The following PCSK5 variants were observed in gnomAD, a reference collection of about 807,000 sequenced individuals.
The protein encoded by PCSK5 is prohormone convertase 5.
Under a neutral mutation model 233.2 loss-of-function variants are expected in PCSK5, and 129 were observed. The observed-to-expected ratio is 0.55, with a 90% CI of 0.48 to 0.64. PCSK5 has a LOEUF of 0.64. Ranked by LOEUF, PCSK5 falls within the 30% of genes least tolerant of loss-of-function variation. PCSK5 has a pLI of 0.00. For missense variants in PCSK5, 2,076 were observed against 2,430.1 expected (o/e 0.85, Z 3.06); for synonymous variants, 825 against 879.2 (o/e 0.94, Z 1.09).
intron 10 of PCSK5, among the ~76,000 whole-genome samples, chr9:76,152,662 G>T (rs1447134652): frequency 6.6e-6 from 1 of 152,212 alleles, no homozygotes; most frequent in East Asian, 1.9e-4. Flanking sequence ...TTTAAAAAAT[G>T]TTAAATAGCT....
chr9:76,159,209 C>T (rs1408703073), intron 12 of PCSK5, 38 bp downstream of exon 12: 37 of 1,577,232 alleles, frequency 2.3e-5, no homozygotes, highest in Non-Finnish European at 3.1e-5. Flanking sequence ...GTAGTAGTCA[C>T]AGCGACACTC....
chr9:76,314,724 C>G (rs917198069), intron 30 of PCSK5, among the ~76,000 whole-genome samples: 2 of 152,140 alleles, frequency 1.3e-5, no homozygotes, highest in Admixed American at 1.3e-4. Context: ...GCAATCTCTG[C>G]CTCCCAGGTT....
chr9:76,001,468 C>CTTTTTTT (rs34379742), intron 3 of PCSK5, among the ~76,000 whole-genome samples: 4 of 87,146 alleles, frequency 4.6e-5, no homozygotes, highest in South Asian at 4.5e-4. Flanking sequence ...ACCATCATAG[C>CTTTTTTT]TTTTTTTTTT....
At chr9:75,952,293 T>C (rs955387844) in intron 2 of PCSK5, among the ~76,000 whole-genome samples, 6 of 152,226 alleles carry the variant, frequency 3.9e-5, no homozygotes, top group African/African-American at 1.2e-4. Flanking sequence ...GTCTTTGAGT[T>C]TGGACAAAAG....
In PCSK5 at chr9:75,891,053, C is replaced by CGCCCGGGGCTGCGAGCTGCGTCG; in HGVS notation, c.-109_-108insTCGGCCCGGGGCTGCGAGCTGCG. 2.7e-6 allele frequency: 2 copies of CGCCCGGGGCTGCGAGCTGCGTCG among 741,270 alleles called. No individual in the cohort carries two copies. Among genetic ancestry groups the CGCCCGGGGCTGCGAGCTGCGTCG allele is most frequent in the Non-Finnish European group, 1.9e-6 (1 of 513,902 alleles). 45.9% of individuals were successfully genotyped at this position (741,270 alleles called of 1,614,324 possible). ...CCGGGGCTAGCCGCCTCCTGCCGAT[C>CGCCCGGGGCTGCGAGCTGCGTCG]GCCCGGGGCTGCGAGCTGCGGCGGC... is the stretch of plus-strand genomic sequence containing the variant. On this transcript the variant is annotated 5_prime_UTR_variant, in exon 1 of 38. Transcript: ENST00000674117.
At chr9:75,974,259 C>T (rs985460539) in intron 2 of PCSK5, among the ~76,000 whole-genome samples, 1 of 152,122 alleles carries the variant, frequency 6.6e-6, no homozygotes, top group Non-Finnish European at 1.5e-5. Context: ...GGCGTAGGAC[C>T]GACGGGAGCT....
intron 24 of PCSK5, among the ~76,000 whole-genome samples, chr9:76,276,569 A>G (rs1344946680): frequency 4.6e-5 from 7 of 152,188 alleles, no homozygotes; most frequent in African/African-American, 1.7e-4. Flanking sequence ...GAAGGGGACA[A>G]GCTTTCCCTG....
chr9:75,932,674 A>G (rs1251536307), intron 2 of PCSK5, among the ~76,000 whole-genome samples, 191 bp downstream of exon 2: 1 of 152,162 alleles, frequency 6.6e-6, no homozygotes, highest in Non-Finnish European at 1.5e-5. Flanking sequence ...TTGATCTGCC[A>G]CTATCATCCC....
chr9:76,127,252 A>C (rs1471833117), intron 9 of PCSK5, among the ~76,000 whole-genome samples: 1 of 152,212 alleles, frequency 6.6e-6, no homozygotes, highest in Non-Finnish European at 1.5e-5. Context: ...TATGTAGAAA[A>C]GTATCAAAAG....
chr9:75,995,339 G>A (rs1365748202), intron 3 of PCSK5, among the ~76,000 whole-genome samples: 1 of 151,952 alleles, frequency 6.6e-6, no homozygotes, highest in African/African-American at 2.4e-5. Flanking sequence ...TATATAATAG[G>A]CCTTTATAAA....
intron 30 of PCSK5, among the ~76,000 whole-genome samples, chr9:76,313,313 A>T (rs1828919821): frequency 6.6e-6 from 1 of 152,182 alleles, no homozygotes; most frequent in Non-Finnish European, 1.5e-5. Context: ...ATCACCCCTA[A>T]AAGTGTATAA....
intron 28 of PCSK5, among the ~76,000 whole-genome samples, chr9:76,302,959 C>CTT (rs10552673): frequency 0.059 from 5,112 of 86,202 alleles, 2 homozygotes; most frequent in East Asian, 0.079. Flanking sequence ...CAAAGTGGTT[C>CTT]TTTTTTTTTT....
At chr9:76,106,669 G>A (rs1243444651) in intron 8 of PCSK5, among the ~76,000 whole-genome samples, 3 of 152,210 alleles carry the variant, frequency 2.0e-5, no homozygotes, top group Admixed American at 6.5e-5. Context: ...ATATCTTTGA[G>A]GAAGTCTTGG....
intron 9 of PCSK5, among the ~76,000 whole-genome samples, chr9:76,127,255 A>G (rs1028072831): frequency 1.3e-5 from 2 of 152,230 alleles, no homozygotes; most frequent in African/African-American, 4.8e-5. Flanking sequence ...GTAGAAAAGT[A>G]TCAAAAGCAC....
chr9:76,347,515 C>T (rs984841919), intron 35 of PCSK5, among the ~76,000 whole-genome samples: 3 of 152,160 alleles, frequency 2.0e-5, no homozygotes, highest in Admixed American at 6.5e-5. Flanking sequence ...GCTGATTTGT[C>T]ACCCAAAGCT....
chr9:76,304,059 C>A (rs536217494), intron 28 of PCSK5, among the ~76,000 whole-genome samples: 3 of 152,246 alleles, frequency 2.0e-5, no homozygotes, highest in South Asian at 4.2e-4. Flanking sequence ...GTAATCCCAG[C>A]TACTTGGGAG....
intron 9 of PCSK5, among the ~76,000 whole-genome samples, chr9:76,132,347 A>C (rs543247111): frequency 6.6e-6 from 1 of 152,082 alleles, no homozygotes; most frequent in African/African-American, 2.4e-5. Context: ...TTGATTCCTA[A>C]CAAGTGCTGT....
chr9:76,179,810 C>A, intron 15 of PCSK5, 112 bp downstream of exon 15: 1 of 692,740 alleles, frequency 1.4e-6, no homozygotes. Context: ...CCACTATTCT[C>A]CCACCAGGAC....
At chr9:75,919,803 T>C (rs996947909) in intron 1 of PCSK5, among the ~76,000 whole-genome samples, 2 of 152,170 alleles carry the variant, frequency 1.3e-5, no homozygotes, top group Non-Finnish European at 2.9e-5. Context: ...GGGCCCACTT[T>C]TGTGGTCGCC....
Sources: gnomAD v4.1 joint callset for allele counts (sites outside exome capture counted in the v4.1 genomes callset) on GRCh38, gnomAD v4.1.1 for gene constraint, MANE v1.5 for transcripts, NCBI Gene and HGNC (gene_info 2026-07-23, HGNC 2026-07-21) for gene names.